The following MEGF11 variants were observed in gnomAD, a reference collection of about 807,000 sequenced individuals.
MEGF11 encodes multiple EGF like domains 11, also known as multiple epidermal growth factor-like domains protein 11.
In MEGF11, 126 loss-of-function variants were observed where a neutral mutation model predicts 146.6. The observed-to-expected ratio is 0.86, with a 90% confidence interval of 0.74 to 1.00. MEGF11 has a LOEUF of 1.00. Ranked by LOEUF, MEGF11 falls within the 50% of genes least tolerant of loss-of-function variation. The pLI is 0.00. For missense variants in MEGF11, 1,509 were observed against 1,521.2 expected (o/e 0.99, Z 0.13); for synonymous variants, 532 against 583.4 (o/e 0.91, Z 1.27).
intron 3 of MEGF11, among the ~76,000 whole-genome samples, chr15:66,119,733 C>T (rs1010815002): frequency 6.6e-6 from 1 of 152,130 alleles, no homozygotes; most frequent in Non-Finnish European, 1.5e-5. Flanking sequence ...AAAAATAACA[C>T]CTCCGGGAGA....
At chr15:66,010,803 A>G (rs425030) in intron 5 of MEGF11, among the ~76,000 whole-genome samples, 104,808 of 152,148 alleles carry the variant, frequency 0.69, 36,862 homozygotes, top group Non-Finnish European at 0.76. Flanking sequence ...AAATGCCTAT[A>G]ACCCACAGCC....
At chr15:65,952,520 CAT>C (rs1313324256) in intron 10 of MEGF11, among the ~76,000 whole-genome samples, 1 of 152,182 alleles carries the variant, frequency 6.6e-6, no homozygotes, top group Non-Finnish European at 1.5e-5. Flanking sequence ...ACCACTGTGT[CAT>C]ATGACCCCTC....
intron 4 of MEGF11, 37 bp from the exon 5 acceptor site, chr15:66,094,531 C>G: frequency 6.6e-7 from 1 of 1,525,222 alleles, no homozygotes; most frequent in Non-Finnish European, 8.9e-7. Flanking sequence ...AGAACCAGAA[C>G]AAACAGTGAA....
chr15:66,230,991 G>A (rs1236219246), intron 1 of MEGF11, among the ~76,000 whole-genome samples: 1 of 152,062 alleles, frequency 6.6e-6, no homozygotes, highest in Non-Finnish European at 1.5e-5. Context: ...TGCCCAAAGT[G>A]GGTCCCACAA....
chr15:65,914,596 A>C (rs776498302), intron 19 of MEGF11, among the ~76,000 whole-genome samples: 2 of 152,140 alleles, frequency 1.3e-5, no homozygotes, highest in Non-Finnish European at 2.9e-5. Context: ...CCCACCCTCC[A>C]TGCTGATGCT....
intron 21 of MEGF11, among the ~76,000 whole-genome samples, chr15:65,910,658 G>T (rs899450074): frequency 1.3e-5 from 2 of 152,310 alleles, no homozygotes; most frequent in Non-Finnish European, 2.9e-5. Flanking sequence ...TGGCCTTGGG[G>T]TGTTGGCTTG....
chr15:66,074,135 T>C (rs755319141), intron 5 of MEGF11, among the ~76,000 whole-genome samples: 50 of 152,210 alleles, frequency 3.3e-4, no homozygotes, highest in Non-Finnish European at 5.6e-4. Flanking sequence ...TCCCCAGGGG[T>C]AACCTGAGCC....
intron 10 of MEGF11, among the ~76,000 whole-genome samples, chr15:65,942,947 C>G (rs375832787): frequency 9.0e-6 from 1 of 111,402 alleles, no homozygotes; most frequent in African/African-American, 3.4e-5. Context: ...CAAAACAAAA[C>G]AAAACAAAAA....
intron 4 of MEGF11, among the ~76,000 whole-genome samples, chr15:66,096,363 T>C (rs187713425): frequency 1.3e-5 from 2 of 152,380 alleles, no homozygotes; most frequent in African/African-American, 2.4e-5. Context: ...GAGAAAATCA[T>C]GTCCTGGCCC....
intron 1 of MEGF11, among the ~76,000 whole-genome samples, chr15:66,140,153 A>C (rs1194909345): frequency 6.6e-6 from 1 of 151,602 alleles, no homozygotes; most frequent in East Asian, 1.9e-4. Context: ...CTTCATACCC[A>C]CTCCTGAACA....
chr15:66,239,179 C>T (rs540549412), intron 1 of MEGF11, among the ~76,000 whole-genome samples: 1 of 152,316 alleles, frequency 6.6e-6, no homozygotes, highest in African/African-American at 2.4e-5. Context: ...AAGACCTCTA[C>T]AGCTGTCATG....
intron 4 of MEGF11, among the ~76,000 whole-genome samples, chr15:66,117,291 C>T (rs985572835): frequency 1.3e-5 from 2 of 152,112 alleles, no homozygotes; most frequent in Non-Finnish European, 2.9e-5. Flanking sequence ...CTGTCCCCTC[C>T]TAGAAGTCTT....
intron 4 of MEGF11, among the ~76,000 whole-genome samples, chr15:66,118,052 G>A (rs1046961680): frequency 6.6e-5 from 10 of 152,054 alleles, no homozygotes; most frequent in Non-Finnish European, 1.2e-4. Context: ...CTACCCACTC[G>A]AATGGCAAAG....
At chr15:66,227,489 A>T (rs2091878180) in intron 1 of MEGF11, among the ~76,000 whole-genome samples, 2 of 152,180 alleles carry the variant, frequency 1.3e-5, no homozygotes, top group South Asian at 4.1e-4. Context: ...TGATTTGTAT[A>T]CAAGATCACA....
At chr15:66,144,702 G>A (rs1264341926) in intron 1 of MEGF11, among the ~76,000 whole-genome samples, 1 of 152,154 alleles carries the variant, frequency 6.6e-6, no homozygotes, top group East Asian at 1.9e-4. Flanking sequence ...TGGTACAAGT[G>A]CCCTGGGCAC....
At chr15:65,995,521 T>C (rs2082172106) in intron 5 of MEGF11, among the ~76,000 whole-genome samples, 1 of 152,230 alleles carries the variant, frequency 6.6e-6, no homozygotes, top group African/African-American at 2.4e-5. Context: ...TATTTCATCA[T>C]TGGCCAGTAA....
chr15:66,194,303 C>G (rs1008889211), intron 1 of MEGF11, among the ~76,000 whole-genome samples: 8 of 152,134 alleles, frequency 5.3e-5, no homozygotes, highest in Non-Finnish European at 8.8e-5. Flanking sequence ...TGTGAGGACA[C>G]AAAGGCATAA....
Position 66,082,533 on chromosome 15 carries a change from TGTG to T in MEGF11, c.394+11866_394+11868del, listed in dbSNP as rs2085929348. On this transcript the variant is annotated intron_variant, in intron 5 of 25. Transcript: ENST00000395614. ...TCTATCTATAAATAAATTAGCCAGG[TGTG>T]GTGGTGTGTACCTGTAGTCCCAGCT... Among the ~76,000 whole-genome samples, 5 of 139,084 alleles carry T rather than the reference TGTG, an allele frequency of 3.6e-5. 1 individual carries two copies. The South Asian group carries it at 1.2e-3, about 33-fold the overall frequency. 91.2% of individuals were successfully genotyped at this position (139,084 alleles called of 152,430 possible).
intron 5 of MEGF11, among the ~76,000 whole-genome samples, chr15:65,991,938 A>C (rs1339321273): frequency 1.3e-5 from 2 of 152,256 alleles, no homozygotes; most frequent in East Asian, 1.9e-4. Context: ...GCCTGCAGTC[A>C]GTTTGAGAAA....
Sources: gnomAD v4.1 joint callset for allele counts (sites outside exome capture counted in the v4.1 genomes callset) on GRCh38, gnomAD v4.1.1 for gene constraint, MANE v1.5 for transcripts, NCBI Gene and HGNC (gene_info 2026-07-23, HGNC 2026-07-21) for gene names.